The following CROCC2 variants were observed in gnomAD, a reference collection of about 807,000 sequenced individuals.
CROCC2 encodes ciliary rootlet coiled-coil protein 2.
In CROCC2, 163 loss-of-function variants were observed where a neutral mutation model predicts 177.6. The observed-to-expected ratio is 0.92, with a 90% CI of 0.81 to 1.05. CROCC2 has a LOEUF of 1.05. Ranked by LOEUF, CROCC2 falls within the 50% of genes least tolerant of loss-of-function variation. The pLI is 0.00. For missense variants in CROCC2, 1,929 were observed against 1,797.8 expected, an observed-to-expected ratio of 1.07 and a Z score of -1.32; for synonymous variants, 904 against 787.3, an observed-to-expected ratio of 1.15 and a Z score of -2.48.
At chr2:240,938,287 T>G (rs1453970831) in intron 14 of CROCC2, among the ~76,000 whole-genome samples, 2 of 152,244 alleles carry the variant, frequency 1.3e-5, no homozygotes, top group African/African-American at 2.4e-5. Flanking sequence ...AGGTCCATTA[T>G]TTTTCATACT....
chr2:240,920,188 G>A lies in CROCC2; in HGVS notation c.381+54G>A, dbSNP rs376005595. ...GCGGGAGGTGGCAGCCTGGCCCTTC[G>A]TGAGGGGTCACTTGTCGGGACGGCA... On this transcript the variant is annotated intron_variant, in intron 3 of 31. Transcript: ENST00000690015. 39 of 606,814 alleles carry A rather than the reference G, an allele frequency of 6.4e-5. 1 individual carries two copies. The highest frequency in any genetic ancestry group is 2.3e-4 in the East Asian group (8 of 34,700). 37.6% of individuals were successfully genotyped at this position (606,814 alleles called of 1,614,324 possible). A position where few individuals can be genotyped will look rare whatever the true frequency, so the allele number is the denominator to read the frequency against.
intron 27 of CROCC2, among the ~76,000 whole-genome samples, chr2:240,980,291 T>G (rs376625082): frequency 1.5e-4 from 13 of 87,268 alleles, no homozygotes; most frequent in Non-Finnish European, 2.0e-4. Flanking sequence ...CCCTGCTCAG[T>G]CTCTGGGGTA....
Position 240,960,459 on chromosome 2 carries a change from C to T in CROCC2, c.3087+1015C>T, listed in dbSNP as rs1295922287. On this transcript the variant is annotated intron_variant, in intron 20 of 31. Transcript: ENST00000690015. This position sits in a 1 kb window ranked among gnomAD's most constrained non-coding sequence, Gnocchi z 5.0. ...CAGGGCTAGGCTCACCTGGGCTCAG[C>T]GGGCAGGCAGATTGGAGAGGCATTT... 1.3e-5 allele frequency among the ~76,000 whole-genome samples: 2 copies of T among 148,374 alleles called. No individual in the cohort carries two copies. The highest frequency in any genetic ancestry group is 2.5e-5 in the African/African-American group (1 of 39,766).
At chr2:240,971,765 G>GT (rs1464468438) in intron 27 of CROCC2, among the ~76,000 whole-genome samples, 2 of 151,954 alleles carry the variant, frequency 1.3e-5, no homozygotes, top group African/African-American at 4.8e-5. Context: ...GGAATTCTCA[G>GT]CATCCCAATA....
intron 5 of CROCC2, among the ~76,000 whole-genome samples, chr2:240,929,132 G>C (rs184626570): frequency 3.0e-4 from 45 of 152,262 alleles, no homozygotes; most frequent in African/African-American, 1.1e-3. Flanking sequence ...TCAGCTGGGG[G>C]GAATCTCAGG....
At chr2:240,956,797 G>C (rs1015253598) in intron 19 of CROCC2, among the ~76,000 whole-genome samples, 3 of 152,228 alleles carry the variant, frequency 2.0e-5, no homozygotes, top group African/African-American at 7.2e-5. Flanking sequence ...AGAACGCCAA[G>C]GCTTCAGCCC....
intron 19 of CROCC2, chr2:240,957,959 A>C (rs2059604110): frequency 1.0e-6 from 1 of 984,974 alleles, no homozygotes. Context: ...TGGCTCACAG[A>C]GGGGCCTTCT....
intron 28 of CROCC2, chr2:240,985,993 G>A (rs948151512): frequency 8.1e-5 from 37 of 455,950 alleles, no homozygotes; most frequent in Non-Finnish European, 1.4e-4. Flanking sequence ...CCTTGATGCC[G>A]GCCTCTCAAG....
chr2:240,930,804 A>G (rs2059424092), intron 6 of CROCC2, 127 bp from the exon 7 acceptor site: 1 of 597,514 alleles, frequency 1.7e-6, no homozygotes, highest in Non-Finnish European at 3.0e-6. Flanking sequence ...GGAACAATCA[A>G]TGCCATGCAG....
chr2:240,933,066 G>A, intron 9 of CROCC2, 65 bp from the exon 10 acceptor site: 1 of 1,536,692 alleles, frequency 6.5e-7, no homozygotes, highest in Non-Finnish European at 8.8e-7. Context: ...CGCAAGCCCT[G>A]GTGGGCCTCG....
At chr2:240,940,788 A>G (rs902802699) in intron 14 of CROCC2, among the ~76,000 whole-genome samples, 1 of 152,194 alleles carries the variant, frequency 6.6e-6, no homozygotes, top group Non-Finnish European at 1.5e-5. Context: ...AACTGGAAGA[A>G]GACAAGGATG....
intron 1 of CROCC2, among the ~76,000 whole-genome samples, chr2:240,907,036 C>T (rs1256165566): frequency 3.3e-5 from 5 of 152,038 alleles, no homozygotes; most frequent in South Asian, 2.1e-4. Context: ...CTGGCAGCCA[C>T]GGGTTTGCAG....
rs764935669 is a variant in CROCC2, at chr2:240,955,967, G to C, written c.2938G>C (p.Ala980Pro). 1 of 1,534,112 alleles carries C rather than the reference G, an allele frequency of 6.5e-7. No homozygotes were observed. The highest frequency in any genetic ancestry group is 1.2e-5 in the South Asian group (1 of 83,920). ...QQEAQSQQEQ[A>P]QATISATTEE... ...GGAGGCACAGAGCCAGCAGGAGCAA[G>C]CGCAGGTGAGCCCCATGCAGCCAGG... The change falls in exon 19 of 32, where the codon GCG becomes CCG. Residue 980 changes from alanine (A) to proline (P), a missense_variant. Transcript: ENST00000690015.
rs1213982363 is a variant in CROCC2 at position 240,983,026 on chromosome 2, A to G, written c.4548A>G (p.Arg1516=). 4 of 1,549,962 alleles carry G rather than the reference A, an allele frequency of 2.6e-6. No homozygotes were observed. The highest frequency in any genetic ancestry group is 1.4e-5 in the African/African-American group (1 of 73,054). Residue 1516 remains arginine (R), a synonymous_variant, in exon 28 of 32, where the codon CGA becomes CGG. Transcript: ENST00000690015. ...QKAEVSLEPL[R]QMEQETLKRE... The stretch of plus-strand genomic sequence containing the variant: ...CTGAGGTATCGCTGGAGCCCCTGCG[A>G]CAGGTGAGGGTGACCAGGAGGGCAG...
intron 15 of CROCC2, among the ~76,000 whole-genome samples, chr2:240,947,996 G>C (rs963523544): frequency 6.6e-6 from 1 of 152,184 alleles, no homozygotes; most frequent in Non-Finnish European, 1.5e-5. Context: ...TCTGATGTCT[G>C]AGCAGCAGAG....
At chr2:240,983,566 T>C in intron 28 of CROCC2, 2 of 1,277,696 alleles carry the variant, frequency 1.6e-6, no homozygotes, top group Non-Finnish European at 1.0e-6. Flanking sequence ...CGCTGCGCGC[T>C]CAGCTCGCAC....
chr2:240,920,566 G>T (rs2059352109), intron 3 of CROCC2, among the ~76,000 whole-genome samples: 1 of 152,242 alleles, frequency 6.6e-6, no homozygotes, highest in African/African-American at 2.4e-5. Flanking sequence ...CCCAACCCCA[G>T]ATGGAGCTCG....
At chr2:240,941,602 G>T (rs550143398) in intron 14 of CROCC2, among the ~76,000 whole-genome samples, 1 of 152,300 alleles carries the variant, frequency 6.6e-6, no homozygotes, top group South Asian at 2.1e-4. Context: ...TTCAAGAAAT[G>T]GTGCTGGGAT....
At chr2:240,910,243 T>TG (rs1414895046) in intron 1 of CROCC2, among the ~76,000 whole-genome samples, 2 of 151,674 alleles carry the variant, frequency 1.3e-5, no homozygotes, top group Non-Finnish European at 2.9e-5. Flanking sequence ...CCTTGAGGGG[T>TG]GGGGGTGTGC....
Sources: allele counts gnomAD v4.1 joint callset (sites outside exome capture counted in the v4.1 genomes callset), GRCh38; gene constraint gnomAD v4.1.1; non-coding constraint Gnocchi (gnomAD v3.1); transcripts MANE v1.5; gene names NCBI Gene and HGNC (gene_info 2026-07-23, HGNC 2026-07-21).